The following RIMKLB variants were observed in gnomAD, a reference collection of about 807,000 sequenced individuals.
The protein encoded by RIMKLB is ribosomal modification protein rimK like family member B, also known as beta-citrylglutamate synthase B.
In RIMKLB, 7 loss-of-function variants were observed where a neutral mutation model predicts 32.0. The ratio of observed to expected loss-of-function variants is 0.22; its 90% CI spans 0.12 to 0.41. RIMKLB has a LOEUF of 0.41. Among genes scored for constraint, RIMKLB ranks in the 10% least tolerant of loss-of-function variants. RIMKLB has a pLI of 1.00. For missense variants in RIMKLB, 289 were observed against 498.7 expected (o/e 0.58, Z 4.00); for synonymous variants, 172 against 185.1 (o/e 0.93, Z 0.57).
Position 8,774,940 on chromosome 12 carries a change from AAG to A in RIMKLB, c.*1157_*1158del, listed in dbSNP as rs1950640131. Reference sequence around the variant, plus strand: ...TTTTTGTTTCCATCAACTAATCAAAAAGGATAATTTAGAAAATGGAGCATGAT... The same window carrying A: ...TTTTTGTTTCCATCAACTAATCAAAAGATAATTTAGAAAATGGAGCATGAT... On this transcript the variant is annotated 3_prime_UTR_variant, in exon 6 of 6. Coordinates refer to ENST00000535829, the MANE Select transcript of RIMKLB (RefSeq NM_001297776.2). 1.0e-6 allele frequency: 1 copy of A among 985,650 alleles called. No individual in the cohort carries two copies. The highest frequency in any genetic ancestry group is 4.7e-5 in the South Asian group (1 of 21,288). 61.1% of individuals were successfully genotyped at this position (985,650 alleles called of 1,614,324 possible).
At chr12:8,727,644 A>G (rs980793693) in intron 2 of RIMKLB, among the ~76,000 whole-genome samples, 7 of 152,196 alleles carry the variant, frequency 4.6e-5, no homozygotes, top group African/African-American at 7.2e-5. Flanking sequence ...TTGTTGGCTC[A>G]TGCCAGCACT....
At chr12:8,773,199 C>T in intron 5 of RIMKLB, 122 bp from the exon 6 acceptor site, 1 of 683,814 alleles carries the variant, frequency 1.5e-6, no homozygotes, top group Non-Finnish European at 2.5e-6. Flanking sequence ...TAATTTTACA[C>T]TAGAATAACG....
chr12:8,728,327 A>T (rs1946225451), intron 2 of RIMKLB, among the ~76,000 whole-genome samples: 1 of 152,194 alleles, frequency 6.6e-6, no homozygotes, highest in Non-Finnish European at 1.5e-5. Flanking sequence ...GAATTGTGTA[A>T]AAGGAACTGG....
At chr12:8,714,089 A>C in intron 2 of RIMKLB, 48 bp downstream of exon 2, 1 of 1,474,226 alleles carries the variant, frequency 6.8e-7, no homozygotes. Flanking sequence ...CTAGAATATG[A>C]TGAATCTGCA....
chr12:8,697,823 C>T (rs1218981342), upstream of RIMKLB: 1 of 147,700 alleles, frequency 6.8e-6, no homozygotes, highest in Admixed American at 6.7e-5. Flanking sequence ...GCCCGGCCCC[C>T]AGCTCCTCCG....
chr12:8,699,990 A>G (rs1233578873), intron 1 of RIMKLB: 1 of 152,184 alleles, frequency 6.6e-6, no homozygotes, highest in Non-Finnish European at 1.5e-5. Flanking sequence ...TACTTATCTT[A>G]GTTTCTAGTG....
At chr12:8,698,715 CT>C (rs1463235815) in intron 1 of RIMKLB, among the ~76,000 whole-genome samples, 15 of 151,412 alleles carry the variant, frequency 9.9e-5, no homozygotes, top group Admixed American at 2.0e-4. Context: ...CCTCCCCCCC[CT>C]TCCCACAAAT....
chr12:8,701,900 G>A (rs765203539), intron 1 of RIMKLB, among the ~76,000 whole-genome samples: 3 of 151,838 alleles, frequency 2.0e-5, no homozygotes, highest in South Asian at 2.1e-4. Context: ...AGCTACTCGG[G>A]GGGGCTGAGG....
chr12:8,733,051 C>G (rs955700102), intron 2 of RIMKLB, among the ~76,000 whole-genome samples: 12 of 151,972 alleles, frequency 7.9e-5, no homozygotes, highest in African/African-American at 2.9e-4. Context: ...GGAATGTACC[C>G]AATATTTAGT....
the RIMKLB span, among the ~76,000 whole-genome samples, chr12:8,672,652 A>G: frequency 1.3e-5 from 2 of 151,838 alleles, no homozygotes; most frequent in South Asian, 4.1e-4. Context: ...CCCATGACAC[A>G]TGGGAATTCT....
chr12:8,757,967 T>C (rs983243481), intron 5 of RIMKLB, among the ~76,000 whole-genome samples: 1 of 152,046 alleles, frequency 6.6e-6, no homozygotes, highest in Non-Finnish European at 1.5e-5. Flanking sequence ...TTTTTTTTTT[T>C]TCCTTTTTCT....
intron 2 of RIMKLB, among the ~76,000 whole-genome samples, chr12:8,721,795 G>A (rs1945465149): frequency 6.6e-6 from 1 of 152,086 alleles, no homozygotes; most frequent in African/African-American, 2.4e-5. Context: ...CCAGGCTGGA[G>A]TGCAGTGGCA....
intron 2 of RIMKLB, among the ~76,000 whole-genome samples, chr12:8,736,908 T>A (rs1183989601): frequency 6.6e-6 from 1 of 152,170 alleles, no homozygotes; most frequent in Non-Finnish European, 1.5e-5. Flanking sequence ...GCCTCCCGCG[T>A]TCAGGCAGTT....
chr12:8,692,695 G>A (rs1395553613), upstream of RIMKLB, among the ~76,000 whole-genome samples: 1 of 152,222 alleles, frequency 6.6e-6, no homozygotes, highest in Admixed American at 6.5e-5. Context: ...TAGAGAGAAA[G>A]CTCAGTTTAA....
intron 5 of RIMKLB, among the ~76,000 whole-genome samples, chr12:8,757,137 GATTT>G (rs1949107644): frequency 6.6e-6 from 1 of 152,098 alleles, no homozygotes; most frequent in Non-Finnish European, 1.5e-5. Flanking sequence ...ACTACATTGA[GATTT>G]AATTAATAGT....
upstream of RIMKLB, among the ~76,000 whole-genome samples, chr12:8,680,195 G>T (rs1179569451): frequency 1.3e-5 from 2 of 152,092 alleles, no homozygotes; most frequent in African/African-American, 2.4e-5. Flanking sequence ...TCACTCTGAT[G>T]CCCACGCTGG....
chr12:8,695,191 GCCC>G (rs1942849614), upstream of RIMKLB, among the ~76,000 whole-genome samples: 1 of 82,884 alleles, frequency 1.2e-5, no homozygotes, highest in Non-Finnish European at 2.5e-5. Flanking sequence ...GCACCGCCCC[GCCC>G]CCCCGCCCCG....
At chr12:8,711,240 A>G (rs964602972) in intron 1 of RIMKLB, among the ~76,000 whole-genome samples, 11 of 151,764 alleles carry the variant, frequency 7.2e-5, no homozygotes, top group Admixed American at 3.9e-4. Context: ...TCTCAAGGAA[A>G]AAAAAAAAAT....
rs184275948 is a variant in RIMKLB, at chr12:8,733,776, G to A, written c.176-16086G>A. 5.2e-3 allele frequency among the ~76,000 whole-genome samples: 799 copies of A among 152,252 alleles called. 4 individuals are homozygous for A. Among genetic ancestry groups the A allele is most frequent in the African/African-American group, 0.018 (754 of 41,548 alleles). On this transcript the variant is annotated intron_variant, in intron 2 of 5. Transcript: ENST00000535829. ...TGCACACCTGTAGTCCTAGCTACTC[G>A]GAGAGGCTGAGGTAGGAGGATTGAT...
Sources: allele counts gnomAD v4.1 joint callset (sites outside exome capture counted in the v4.1 genomes callset), GRCh38; gene constraint gnomAD v4.1.1; transcripts MANE v1.5; gene names NCBI Gene and HGNC (gene_info 2026-07-23, HGNC 2026-07-21).